The following RBM20 variants were observed in gnomAD, a reference collection of about 807,000 sequenced individuals.
RBM20 encodes the protein RNA binding motif protein 20.
Under a neutral mutation model 110.1 loss-of-function variants are expected in RBM20, and 51 were observed. The observed-to-expected ratio is 0.46, with a 90% CI of 0.37 to 0.59. The LOEUF (loss-of-function observed/expected upper bound fraction) is 0.59. RBM20 is among the 20% of genes least tolerant of loss of function. RBM20 has a pLI of 0.00. For missense variants in RBM20, 1,512 were observed against 1,574.9 expected (o/e 0.96, Z 0.68); for synonymous variants, 589 against 618.2 (o/e 0.95, Z 0.70).
intron 1 of RBM20, among the ~76,000 whole-genome samples, chr10:110,754,905 T>C (rs1393206405): frequency 6.6e-6 from 1 of 152,196 alleles, no homozygotes; most frequent in Non-Finnish European, 1.5e-5. Context: ...CGCCTGACAA[T>C]TTCACTAGTT....
At chr10:110,674,811 C>T (rs758745809) in intron 1 of RBM20, among the ~76,000 whole-genome samples, 2 of 152,158 alleles carry the variant, frequency 1.3e-5, no homozygotes, top group African/African-American at 4.8e-5. Context: ...AAATCAATAA[C>T]TTCAGAATTC....
At chr10:110,698,424 T>C (rs1358924022) in intron 1 of RBM20, among the ~76,000 whole-genome samples, 3 of 152,214 alleles carry the variant, frequency 2.0e-5, no homozygotes, top group African/African-American at 4.8e-5. Context: ...TTGCCCTCGC[T>C]GGCAGGAGCC....
chr10:110,643,841 G>A (rs1437043196), upstream of RBM20, among the ~76,000 whole-genome samples: 1 of 152,212 alleles, frequency 6.6e-6, no homozygotes, highest in Non-Finnish European at 1.5e-5. Flanking sequence ...CAGTGGCGCT[G>A]GCCGGGCTCC....
chr10:110,817,742 G>A (rs1000514508), intron 9 of RBM20, among the ~76,000 whole-genome samples: 1 of 152,194 alleles, frequency 6.6e-6, no homozygotes, highest in Non-Finnish European at 1.5e-5. Flanking sequence ...TTGAGATTTG[G>A]AGGCACGGTG....
At chr10:110,719,445 TC>T (rs1843480283) in intron 1 of RBM20, among the ~76,000 whole-genome samples, 1 of 152,248 alleles carries the variant, frequency 6.6e-6, no homozygotes, top group Non-Finnish European at 1.5e-5. Flanking sequence ...AATTCCTAAT[TC>T]CTAACAGGTC....
intron 1 of RBM20, among the ~76,000 whole-genome samples, chr10:110,756,274 G>A (rs896364125): frequency 6.6e-6 from 1 of 152,212 alleles, no homozygotes; most frequent in Non-Finnish European, 1.5e-5. Flanking sequence ...TCAACATGAG[G>A]AAAAGCCTGT....
chr10:110,645,363 G>A (rs7091655), intron 1 of RBM20, among the ~76,000 whole-genome samples: 31,005 of 152,092 alleles, frequency 0.2, 3,966 homozygotes, highest in African/African-American at 0.37. Flanking sequence ...TGTATTGTTT[G>A]TTCTTTTGAG....
chr10:110,815,755 A>G (rs1340608900), intron 9 of RBM20, among the ~76,000 whole-genome samples: 1 of 152,200 alleles, frequency 6.6e-6, no homozygotes, highest in African/African-American at 2.4e-5. Context: ...TTAAGGTGAC[A>G]CTATGTGTCA....
chr10:110,802,281 T>C (rs17128003), intron 7 of RBM20, among the ~76,000 whole-genome samples: 3,542 of 152,190 alleles, frequency 0.023, 149 homozygotes, highest in African/African-American at 0.081. Flanking sequence ...CATATGTAGA[T>C]GGGCACTGTG....
intron 1 of RBM20, among the ~76,000 whole-genome samples, chr10:110,715,852 G>A (rs117921405): frequency 0.018 from 2,747 of 152,198 alleles, 42 homozygotes; most frequent in Non-Finnish European, 0.028. Context: ...ATAGCATCAC[G>A]TCTACTCACA....
intron 1 of RBM20, among the ~76,000 whole-genome samples, chr10:110,704,294 A>G (rs1241065489): frequency 6.6e-6 from 1 of 152,132 alleles, no homozygotes; most frequent in Non-Finnish European, 1.5e-5. Flanking sequence ...CCATTCACCT[A>G]TTGAAGGATA....
intron 1 of RBM20, among the ~76,000 whole-genome samples, chr10:110,719,166 G>A (rs771264002): frequency 6.6e-6 from 1 of 152,234 alleles, no homozygotes; most frequent in Admixed American, 6.5e-5. Flanking sequence ...TTCCAAAAAG[G>A]CTTTTCGGAT....
intron 1 of RBM20, among the ~76,000 whole-genome samples, chr10:110,734,295 G>A (rs1843647176): frequency 6.6e-6 from 1 of 152,220 alleles, no homozygotes; most frequent in Non-Finnish European, 1.5e-5. Context: ...GGAGCAGAAA[G>A]AGGGATGGAG....
chr10:110,769,265 G>A (rs1172934016), intron 1 of RBM20, among the ~76,000 whole-genome samples: 1 of 151,776 alleles, frequency 6.6e-6, no homozygotes, highest in Non-Finnish European at 1.5e-5. Flanking sequence ...TTTTTTTGTT[G>A]TTGTTTATTT....
intron 1 of RBM20, among the ~76,000 whole-genome samples, chr10:110,734,093 A>C (rs1446961837): frequency 6.6e-6 from 1 of 152,192 alleles, no homozygotes; most frequent in Admixed American, 6.5e-5. Flanking sequence ...CTGAAGGTCG[A>C]CATTCTGTCT....
At position 110,715,973 on chromosome 10, in the gene RBM20, A is replaced by G. The variant is rs59547858; in HGVS notation, c.192-64828A>G. On this transcript the variant is annotated intron_variant, in intron 1 of 13. Coordinates refer to ENST00000369519, the MANE Select transcript of RBM20 (RefSeq NM_001134363.3). ...AGAACTAGATGAGCATGAGCACTAGAAGTCTCTCCACAAGCTTTTGATTAT... is the reference window on the plus strand; with the variant it reads ...AGAACTAGATGAGCATGAGCACTAGGAGTCTCTCCACAAGCTTTTGATTAT... 5.5e-3 allele frequency among the ~76,000 whole-genome samples: 838 copies of G among 152,298 alleles called. 12 individuals carry two copies. The highest frequency in any genetic ancestry group is 0.019 in the African/African-American group (781 of 41,544).
chr10:110,784,890 G>A lies in RBM20; in HGVS notation c.1527+1G>A. 6.7e-7 allele frequency: 1 copy of A among 1,498,246 alleles called. No homozygotes were observed. 92.8% of individuals were successfully genotyped at this position (1,498,246 alleles called of 1,614,324 possible). On this transcript the variant is annotated splice_donor_variant, in intron 5 of 13. Coordinates refer to ENST00000369519, the MANE Select transcript of RBM20 (RefSeq NM_001134363.3). LOFTEE classifies it high-confidence loss of function. ...TCCTTTGGCTTCTGTGGGGACAACT[G>A]TGAGTACGGAAACATTTTCTCTAGA...
rs575570615 is a variant in RBM20, at chr10:110,762,496, T to C, written c.192-18305T>C. On this transcript the variant is annotated intron_variant, in intron 1 of 13. Coordinates refer to ENST00000369519, the MANE Select transcript of RBM20 (RefSeq NM_001134363.3). Reference sequence around the variant, plus strand: ...CAATTAGAAGGGCTTATTCTAAGTATTGGCATTTATTCTCCTGGGAATTGC... The same window carrying C: ...CAATTAGAAGGGCTTATTCTAAGTACTGGCATTTATTCTCCTGGGAATTGC... 4.6e-5 allele frequency among the ~76,000 whole-genome samples: 7 copies of C among 152,352 alleles called. No homozygotes were observed. In the South Asian group the frequency reaches 8.3e-4, roughly 18 times the overall value.
intron 13 of RBM20, 91 bp from the exon 14 acceptor site, chr10:110,835,777 G>A (rs908799976): frequency 7.6e-7 from 1 of 1,311,800 alleles, no homozygotes; most frequent in Non-Finnish European, 1.1e-6. Flanking sequence ...GATGCCAGGA[G>A]AGGGATGATT....
Sources: gnomAD v4.1 joint callset for allele counts (sites outside exome capture counted in the v4.1 genomes callset) on GRCh38, gnomAD v4.1.1 for gene constraint, MANE v1.5 for transcripts, NCBI Gene and HGNC (gene_info 2026-07-23, HGNC 2026-07-21) for gene names.